The following RASA3 variants were observed in gnomAD, a reference collection of about 807,000 sequenced individuals.
RASA3 encodes ras GTPase-activating protein 3.
A neutral mutation model predicts 110.0 loss-of-function variants in RASA3; 73 were observed. The ratio of observed to expected loss-of-function variants is 0.66; its 90% CI spans 0.55 to 0.81. The LOEUF (loss-of-function observed/expected upper bound fraction) is 0.81, where lower values mean the gene tolerates loss of function less well. Among genes scored for constraint, RASA3 ranks in the 30% least tolerant of loss-of-function variants. The pLI, the probability that RASA3 is intolerant of heterozygous loss-of-function variation, is 0.00. For missense variants in RASA3, 976 were observed against 1,113.2 expected, an observed-to-expected ratio of 0.88 and a Z score of 1.75; for synonymous variants, 500 against 451.4, an observed-to-expected ratio of 1.11 and a Z score of -1.37.
chr13:114,059,273 C>A (rs1197201973), intron 2 of RASA3, among the ~76,000 whole-genome samples: 1 of 152,200 alleles, frequency 6.6e-6, no homozygotes, highest in Non-Finnish European at 1.5e-5. Flanking sequence ...GCACAGTCCC[C>A]AGGTGCAGCT....
chr13:114,049,258 A>G (rs2079104189), intron 3 of RASA3, among the ~76,000 whole-genome samples: 1 of 152,154 alleles, frequency 6.6e-6, no homozygotes, highest in Non-Finnish European at 1.5e-5. Flanking sequence ...CGCATTCCCC[A>G]GAACCTGGTG....
At chr13:114,010,325 C>T (rs952464044) in intron 16 of RASA3, among the ~76,000 whole-genome samples, 5 of 152,120 alleles carry the variant, frequency 3.3e-5, no homozygotes, top group South Asian at 2.1e-4. Flanking sequence ...CCTCTCCAGA[C>T]GGAGCCCCGA....
At chr13:114,087,209 G>A (rs71449080) in intron 1 of RASA3, among the ~76,000 whole-genome samples, 1 of 56,722 alleles carries the variant, frequency 1.8e-5, no homozygotes, top group African/African-American at 4.4e-5. Context: ...GACTCCCTTC[G>A]TCCTCGCGGG....
chr13:114,049,187 G>A (rs952114715), intron 3 of RASA3, among the ~76,000 whole-genome samples: 8 of 152,256 alleles, frequency 5.3e-5, no homozygotes, highest in South Asian at 4.1e-4. Context: ...TGCTAGAAAC[G>A]AGAACCAGGA....
At chr13:114,124,404 G>A (rs569851343) in intron 1 of RASA3, among the ~76,000 whole-genome samples, 5 of 152,310 alleles carry the variant, frequency 3.3e-5, no homozygotes, top group African/African-American at 4.8e-5. Flanking sequence ...CTCTGATGCC[G>A]TTTGACCAAT....
At chr13:114,097,631 G>A (rs1206286785) in intron 1 of RASA3, among the ~76,000 whole-genome samples, 2 of 152,226 alleles carry the variant, frequency 1.3e-5, no homozygotes, top group Non-Finnish European at 2.9e-5. Flanking sequence ...ATCACAGAAC[G>A]GAAGTGCCCG....
At chr13:114,108,230 CGTCTGTCACCCCAT>C (rs998895403) in intron 1 of RASA3, among the ~76,000 whole-genome samples, 3 of 114,692 alleles carry the variant, frequency 2.6e-5, no homozygotes, top group Admixed American at 8.3e-5. Context: ...TGTCACCCCG[CGTCTGTCACCCCAT>C]GTCTGTCACC....
intron 22 of RASA3, among the ~76,000 whole-genome samples, chr13:113,988,913 C>G (rs1278304167): frequency 1.3e-5 from 2 of 151,568 alleles, no homozygotes; most frequent in African/African-American, 4.8e-5. Flanking sequence ...CCACCCATCA[C>G]TCGCCCATCT....
chr13:114,115,188 G>T lies in RASA3; in HGVS notation c.55+17247C>A, dbSNP rs929322500. Among the ~76,000 whole-genome samples, 10 of 152,208 alleles carry T rather than the reference G, an allele frequency of 6.6e-5. No individual in the cohort carries two copies. The highest frequency in any genetic ancestry group is 6.5e-4 in the Admixed American group (10 of 15,288). ...GGAACCCATGGGGGGCTTTGTGTGT[G>T]GTGTCATCGGCAGCTTCCATTATGT... is the stretch of plus-strand genomic sequence containing the variant. On this transcript the variant is annotated intron_variant, in intron 1 of 23. Coordinates refer to ENST00000334062, the MANE Select transcript of RASA3 (RefSeq NM_007368.4). This position sits in a 1 kb window ranked among gnomAD's most constrained non-coding sequence, Gnocchi z 5.0.
rs116298887 is a variant in RASA3 at position 114,021,536 on chromosome 13, G to C, written c.681-28C>G. 344 of 1,597,174 alleles carry C rather than the reference G, an allele frequency of 2.2e-4. 1 individual carries two copies. The African/African-American group carries it at 3.8e-3, about 18-fold the overall frequency. ...GAAAAACAGCATCAGGACAGCTCTAGCTGACGGCGGGCAGCCCGTGTGGAG... is the reference window on the plus strand; with the variant it reads ...GAAAAACAGCATCAGGACAGCTCTACCTGACGGCGGGCAGCCCGTGTGGAG... On this transcript the variant is annotated intron_variant, in intron 8 of 23. Coordinates refer to ENST00000334062, the MANE Select transcript of RASA3 (RefSeq NM_007368.4).
intron 2 of RASA3, among the ~76,000 whole-genome samples, chr13:114,064,494 G>A (rs919592213): frequency 2.0e-5 from 3 of 152,118 alleles, no homozygotes; most frequent in African/African-American, 4.8e-5. Context: ...ACAGCCCCCC[G>A]CTGTCCGTGG....
At chr13:113,979,729 A>C (rs549291241) in intron 23 of RASA3, among the ~76,000 whole-genome samples, 7 of 152,292 alleles carry the variant, frequency 4.6e-5, no homozygotes, top group African/African-American at 1.7e-4. Flanking sequence ...GAATGTGCAC[A>C]TCTGCACTGC....
chr13:114,074,519 C>T (rs1414102337), intron 1 of RASA3, among the ~76,000 whole-genome samples: 1 of 152,240 alleles, frequency 6.6e-6, no homozygotes, highest in East Asian at 1.9e-4. Flanking sequence ...ATTCATTTAT[C>T]CACTGAGTCC....
intron 1 of RASA3, among the ~76,000 whole-genome samples, chr13:114,098,434 A>G (rs1352988884): frequency 6.6e-6 from 1 of 152,076 alleles, no homozygotes; most frequent in East Asian, 1.9e-4. Flanking sequence ...GGGAACAGAG[A>G]CACGAACAGG....
chr13:114,109,031 C>T (rs1279641680), intron 1 of RASA3, among the ~76,000 whole-genome samples: 1 of 152,308 alleles, frequency 6.6e-6, no homozygotes, highest in African/African-American at 2.4e-5. Flanking sequence ...GCCCCCTCCA[C>T]CTGTTTACAA....
At chr13:114,005,089 A>G (rs2053485402) in intron 18 of RASA3, among the ~76,000 whole-genome samples, 1 of 152,184 alleles carries the variant, frequency 6.6e-6, no homozygotes, top group Admixed American at 6.5e-5. Context: ...GCGCTCTGGG[A>G]CACGTATTCG....
chr13:114,104,503 G>T (rs1298392095), intron 1 of RASA3, among the ~76,000 whole-genome samples: 1 of 152,226 alleles, frequency 6.6e-6, no homozygotes, highest in East Asian at 1.9e-4. Flanking sequence ...GCCTCTGCCT[G>T]ACCCTGTCAT....
intron 1 of RASA3, among the ~76,000 whole-genome samples, chr13:114,125,635 T>C (rs1230714466): frequency 1.3e-5 from 2 of 152,292 alleles, no homozygotes; most frequent in Middle Eastern, 3.4e-3. Context: ...CTCCTCAACA[T>C]TGCTTCTACT....
At chr13:114,018,621 C>A in intron 10 of RASA3, 142 bp downstream of exon 10, 1 of 1,095,954 alleles carries the variant, frequency 9.1e-7, no homozygotes, top group Non-Finnish European at 1.3e-6. Flanking sequence ...GGCATCTGGA[C>A]GGGAAACAGG....
Sources: allele counts gnomAD v4.1 joint callset (sites outside exome capture counted in the v4.1 genomes callset), GRCh38; gene constraint gnomAD v4.1.1; non-coding constraint Gnocchi (gnomAD v3.1); transcripts MANE v1.5; gene names NCBI Gene and HGNC (gene_info 2026-07-23, HGNC 2026-07-21).